The following BCL2A1 variants were observed in gnomAD, a reference collection of about 807,000 sequenced individuals.
The protein encoded by BCL2A1 is bcl-2-related protein A1.
Under a neutral mutation model 14.4 loss-of-function variants are expected in BCL2A1, and 10 were observed. The observed-to-expected ratio is 0.69, with a 90% CI of 0.43 to 1.18. The LOEUF (loss-of-function observed/expected upper bound fraction) is 1.18. BCL2A1 is among the 50% of genes most tolerant of loss of function. The probability of loss-of-function intolerance (pLI) is 0.00; values close to 1 mark genes in which losing one functional copy is unlikely to be tolerated. For missense variants in BCL2A1, 158 were observed against 205.0 expected (o/e 0.77, Z 1.40); for synonymous variants, 71 against 76.5 (o/e 0.93, Z 0.38).
At chr15:79,961,465 C>CT (rs1236581242) in intron 1 of BCL2A1, among the ~76,000 whole-genome samples, 2 of 151,948 alleles carry the variant, frequency 1.3e-5, no homozygotes, top group Non-Finnish European at 2.9e-5. Flanking sequence ...ATGAGATATT[C>CT]TTTTTTCATA....
intron 1 of BCL2A1, among the ~76,000 whole-genome samples, chr15:79,969,025 A>G (rs2035569993): frequency 6.6e-6 from 1 of 152,160 alleles, no homozygotes; most frequent in African/African-American, 2.4e-5. Context: ...ATAAAAGGAA[A>G]ATGGGCAAAG....
intron 1 of BCL2A1, among the ~76,000 whole-genome samples, chr15:79,961,635 G>T (rs2035491746): frequency 1.3e-5 from 2 of 151,898 alleles, no homozygotes; most frequent in Non-Finnish European, 2.9e-5. Context: ...TGATTTCAAT[G>T]CACTTATATT....
At position 79,962,345 on chromosome 15, in the gene BCL2A1, G is replaced by A. The variant is rs115253795; in HGVS notation, c.421-1171C>T. Among the ~76,000 whole-genome samples, 502 of 152,264 alleles carry A rather than the reference G, an allele frequency of 3.3e-3. 4 individuals carry two copies. The highest frequency in any genetic ancestry group is 0.012 in the African/African-American group (489 of 41,532). On this transcript the variant is annotated intron_variant, in intron 1 of 1. Coordinates refer to ENST00000267953, the MANE Select transcript of BCL2A1 (RefSeq NM_004049.4). ...TAAGAAAGCCATTTTCTGCCTACGT[G>A]TTAAGTGTACATCGTGCTCTGAGAC...
chr15:79,967,598 A>C, intron 1 of BCL2A1: 1 of 1,576,472 alleles, frequency 6.3e-7, no homozygotes, highest in East Asian at 2.3e-5. Flanking sequence ...GTATGTGCTC[A>C]CATCTTGATA....
At chr15:79,969,536 C>G (rs2035575394) in intron 1 of BCL2A1, among the ~76,000 whole-genome samples, 1 of 152,074 alleles carries the variant, frequency 6.6e-6, no homozygotes, top group African/African-American at 2.4e-5. Flanking sequence ...CTTAATAATA[C>G]TATTTTAAAT....
chr15:79,963,974 C>G (rs138918122), intron 1 of BCL2A1, among the ~76,000 whole-genome samples: 1 of 152,224 alleles, frequency 6.6e-6, no homozygotes, highest in Non-Finnish European at 1.5e-5. Flanking sequence ...GGAAAAAACT[C>G]TTGTGCACCC....
intron 1 of BCL2A1, among the ~76,000 whole-genome samples, chr15:79,964,382 T>A (rs751842339): frequency 2.0e-5 from 3 of 152,054 alleles, no homozygotes; most frequent in African/African-American, 7.3e-5. Flanking sequence ...GATGGGAGGA[T>A]TGCTTGAGCC....
chr15:79,963,977 G>T (rs376447544), intron 1 of BCL2A1, among the ~76,000 whole-genome samples: 2 of 152,150 alleles, frequency 1.3e-5, no homozygotes, highest in African/African-American at 4.8e-5. Flanking sequence ...AAAAACTCTT[G>T]TGCACCCTAA....
intron 1 of BCL2A1, among the ~76,000 whole-genome samples, chr15:79,962,636 C>T (rs1185693844): frequency 6.6e-6 from 1 of 152,046 alleles, no homozygotes; most frequent in East Asian, 1.9e-4. Context: ...CAGCCTCTGC[C>T]TCCCGGGTTC....
In BCL2A1 at chr15:79,971,020, A is replaced by C; in HGVS notation, c.100T>G (p.Ser34Ala). Residue 34 changes from serine (S) to alanine (A), a missense_variant, in exon 1 of 2, where the codon TCC becomes GCC. Transcript: ENST00000267953. ...AACGCAACATTTTGTAGCACTCTGGACGTTTTGCTTGGACCTGATCCAGGT... is the reference window on the plus strand; with the variant it reads ...AACGCAACATTTTGTAGCACTCTGGCCGTTTTGCTTGGACCTGATCCAGGT... ...PQPGSGPSKT[S>A]RVLQNVAFSV... 6.2e-7 allele frequency: 1 copy of C among 1,614,170 alleles called. No individual in the cohort carries two copies. Among genetic ancestry groups the C allele is most frequent in the Non-Finnish European group, 8.5e-7 (1 of 1,180,026 alleles).
chr15:79,964,531 A>G (rs189868470), intron 1 of BCL2A1, among the ~76,000 whole-genome samples: 1 of 152,302 alleles, frequency 6.6e-6, no homozygotes, highest in African/African-American at 2.4e-5. Context: ...TTCTCTAAAC[A>G]TTATTATTCA....
At chr15:79,964,154 A>C (rs1227549332) in intron 1 of BCL2A1, among the ~76,000 whole-genome samples, 1 of 152,242 alleles carries the variant, frequency 6.6e-6, no homozygotes, top group African/African-American at 2.4e-5. Context: ...ATATCCTATC[A>C]GTAATGTAGT....
At chr15:79,965,743 A>G (rs2035535501) in intron 1 of BCL2A1, among the ~76,000 whole-genome samples, 1 of 152,198 alleles carries the variant, frequency 6.6e-6, no homozygotes, top group Non-Finnish European at 1.5e-5. Flanking sequence ...TCAAGTAAAA[A>G]TTCAAAAGAC....
In BCL2A1 at chr15:79,960,987, G is replaced by A; in HGVS notation, c.*80C>T. 6.3e-7 allele frequency: 1 copy of A among 1,586,150 alleles called. No homozygotes were observed. Among genetic ancestry groups the A allele is most frequent in the South Asian group, 1.1e-5 (1 of 89,094 alleles). On this transcript the variant is annotated 3_prime_UTR_variant, in exon 2 of 2. Transcript: ENST00000267953. The stretch of plus-strand genomic sequence containing the variant: ...CATCATCAAAGTTGTTTATTTAAAA[G>A]TAGAAGTATGTGTTGGCAATCGTTT...
chr15:79,966,991 C>T (rs2035547554), intron 1 of BCL2A1, among the ~76,000 whole-genome samples: 1 of 152,180 alleles, frequency 6.6e-6, no homozygotes, highest in Non-Finnish European at 1.5e-5. Flanking sequence ...TACTCATTTT[C>T]AGGAATTGTT....
chr15:79,970,355 A>C (rs2141708691), intron 1 of BCL2A1, among the ~76,000 whole-genome samples: 1 of 152,302 alleles, frequency 6.6e-6, no homozygotes, highest in East Asian at 1.9e-4. Flanking sequence ...CTGTACTGTC[A>C]TGACAACCCT....
chr15:79,965,393 C>CT (rs1391519862), intron 1 of BCL2A1, among the ~76,000 whole-genome samples: 1 of 152,198 alleles, frequency 6.6e-6, no homozygotes, highest in Admixed American at 6.5e-5. Context: ...TCCCAAAGTG[C>CT]TGGGAATACA....
Position 79,961,035 on chromosome 15 carries a change from G to A in BCL2A1, c.*32C>T. On this transcript the variant is annotated 3_prime_UTR_variant, in exon 2 of 2. Coordinates refer to ENST00000267953, the MANE Select transcript of BCL2A1 (RefSeq NM_004049.4). ...TTTCCATATCAGTCAGAAAAATTAG[G>A]CCGGTTTCACAATATGGAGTGTCCT... is the stretch of plus-strand genomic sequence containing the variant. The A allele has an allele frequency of 6.2e-7, 1 of 1,611,152 alleles. No homozygotes were observed. Among genetic ancestry groups the A allele is most frequent in the Middle Eastern group, 1.7e-4 (1 of 6,058 alleles).
At chr15:79,962,611 G>A (rs538110911) in intron 1 of BCL2A1, among the ~76,000 whole-genome samples, 99 of 152,062 alleles carry the variant, frequency 6.5e-4, no homozygotes, top group Middle Eastern at 3.4e-3. Context: ...GCAGTGGCGC[G>A]ATCTCAGCTC....
Sources: gnomAD v4.1 joint callset for allele counts (sites outside exome capture counted in the v4.1 genomes callset) on GRCh38, gnomAD v4.1.1 for gene constraint, MANE v1.5 for transcripts, NCBI Gene and HGNC (gene_info 2026-07-23, HGNC 2026-07-21) for gene names.